CCDC178: variants seen among roughly 807,000 people sequenced by gnomAD.
The protein encoded by CCDC178 is coiled-coil domain-containing protein 178.
CCDC178 carries 126 observed loss-of-function variants against 117.4 expected under a neutral mutation model. The ratio of observed to expected loss-of-function variants is 1.07; its 90% CI spans 0.93 to 1.24. The LOEUF (loss-of-function observed/expected upper bound fraction) is 1.24. CCDC178 is among the 50% of genes most tolerant of loss of function. The pLI, the probability that CCDC178 is intolerant of heterozygous loss-of-function variation, is 0.00. For missense variants in CCDC178, 1,030 were observed against 986.9 expected (o/e 1.04, Z -0.59); for synonymous variants, 283 against 313.4 (o/e 0.90, Z 1.02).
intron 12 of CCDC178, among the ~76,000 whole-genome samples, chr18:33,276,745 T>TA (rs1359011514): frequency 6.6e-6 from 1 of 152,068 alleles, no homozygotes; most frequent in African/African-American, 2.4e-5. Flanking sequence ...GGGGTGTGTT[T>TA]AAGAAAGGAT....
Position 32,937,990 on chromosome 18 carries a change from C to T in CCDC178, c.*21G>A. 6.4e-7 allele frequency: 1 copy of T among 1,570,468 alleles called. No homozygotes were observed. The highest frequency in any genetic ancestry group is 1.1e-5 in the South Asian group (1 of 90,176). ...TTTTCTTGTCTTTTATTTCAGCATC[C>T]AAGATACATTGGTTGTTTGCTTAAC... On this transcript the variant is annotated 3_prime_UTR_variant, in exon 23 of 23. Coordinates refer to ENST00000383096, the MANE Select transcript of CCDC178 (RefSeq NM_001105528.4).
At chr18:33,104,787 A>T (rs1264081516) in intron 20 of CCDC178, among the ~76,000 whole-genome samples, 1 of 151,720 alleles carries the variant, frequency 6.6e-6, no homozygotes. Context: ...TAATTTGGGT[A>T]GTTATGGTAA....
intron 22 of CCDC178, among the ~76,000 whole-genome samples, chr18:32,952,670 G>A (rs1203890519): frequency 6.6e-6 from 1 of 152,080 alleles, no homozygotes; most frequent in East Asian, 1.9e-4. Context: ...ATTAACATTT[G>A]GCTCTTCATT....
intron 20 of CCDC178, among the ~76,000 whole-genome samples, chr18:33,190,943 C>T (rs2058850535): frequency 6.6e-6 from 1 of 152,132 alleles, no homozygotes; most frequent in South Asian, 2.1e-4. Context: ...ATACACTTTG[C>T]CCCTCCATCA....
intron 21 of CCDC178, among the ~76,000 whole-genome samples, chr18:33,011,767 CAAAAAAAAAAAAAAAAAAAAA>C (rs71177899): frequency 2.3e-3 from 68 of 30,010 alleles, no homozygotes; most frequent in South Asian, 0.018. Context: ...GAGCAGAATG[CAAAAAAAAAAAAAAAAAAAAA>C]AAAAAAAAAA....
chr18:33,086,240 T>C (rs1378782621), intron 21 of CCDC178, among the ~76,000 whole-genome samples: 4 of 151,928 alleles, frequency 2.6e-5, no homozygotes, highest in Non-Finnish European at 5.9e-5. Context: ...CATATTTATT[T>C]GAAAATATTC....
intron 22 of CCDC178, among the ~76,000 whole-genome samples, chr18:32,939,672 A>G (rs1328238540): frequency 2.6e-5 from 4 of 152,134 alleles, no homozygotes; most frequent in Non-Finnish European, 4.4e-5. Context: ...AAAAGACAAC[A>G]CACAGGAAAA....
At chr18:33,382,802 G>C (rs903204256) in intron 5 of CCDC178, among the ~76,000 whole-genome samples, 1 of 152,184 alleles carries the variant, frequency 6.6e-6, no homozygotes, top group Admixed American at 6.5e-5. Context: ...CCAGCACCTG[G>C]AACTCCAGTG....
rs902169376 is a variant in CCDC178 at position 33,244,504 on chromosome 18, G to A, written c.1593+741C>T. Among the ~76,000 whole-genome samples, 66 of 151,980 alleles carry A rather than the reference G, an allele frequency of 4.3e-4. 1 individual carries two copies. Among genetic ancestry groups the A allele is most frequent in the Middle Eastern group, 3.4e-3 (1 of 294 alleles). ...ATGCTATTCTCATGATAGTGAGTAA[G>A]TTCTCATGTGATTTGATGGTTTTAT... is the stretch of plus-strand genomic sequence containing the variant. On this transcript the variant is annotated intron_variant, in intron 15 of 22. Transcript: ENST00000383096.
chr18:33,147,733 G>A (rs1295122191), intron 20 of CCDC178, among the ~76,000 whole-genome samples: 1 of 152,146 alleles, frequency 6.6e-6, no homozygotes, highest in Non-Finnish European at 1.5e-5. Context: ...ATTTTTCTTA[G>A]TACAGAACAA....
At chr18:33,176,114 C>T (rs1011645144) in intron 20 of CCDC178, among the ~76,000 whole-genome samples, 3 of 152,118 alleles carry the variant, frequency 2.0e-5, no homozygotes, top group African/African-American at 7.2e-5. Context: ...AAAGATCATG[C>T]CATCCAGGTA....
At chr18:33,207,519 CCAGTGGGAAT>C (rs891804978) in intron 20 of CCDC178, among the ~76,000 whole-genome samples, 1 of 149,364 alleles carries the variant, frequency 6.7e-6, no homozygotes, top group Non-Finnish European at 1.5e-5. Flanking sequence ...CATTCATTTT[CCAGTGGGAAT>C]GGAAAATGAA....
chr18:33,082,997 A>G (rs924725179), intron 21 of CCDC178, among the ~76,000 whole-genome samples: 19 of 152,148 alleles, frequency 1.2e-4, no homozygotes, highest in Admixed American at 1.2e-3. Context: ...CTCTTCATAC[A>G]TACTAAACAA....
chr18:32,964,816 A>C (rs1473229463), intron 22 of CCDC178, among the ~76,000 whole-genome samples: 2 of 152,006 alleles, frequency 1.3e-5, no homozygotes, highest in Admixed American at 6.6e-5. Flanking sequence ...TTTTTAAAAA[A>C]GTTTACCCTT....
intron 20 of CCDC178, among the ~76,000 whole-genome samples, chr18:33,186,467 C>A (rs987323492): frequency 2.0e-5 from 3 of 151,896 alleles, no homozygotes; most frequent in African/African-American, 7.3e-5. Flanking sequence ...GTGTAGTGAC[C>A]AAAACATAGT....
chr18:33,086,773 C>T (rs551784838), intron 21 of CCDC178, among the ~76,000 whole-genome samples: 196 of 151,944 alleles, frequency 1.3e-3, no homozygotes, highest in Non-Finnish European at 2.3e-3. Flanking sequence ...GGTTTATTAA[C>T]CTCAGCTCTA....
At chr18:33,131,935 C>A (rs1335190121) in intron 20 of CCDC178, among the ~76,000 whole-genome samples, 4 of 151,432 alleles carry the variant, frequency 2.6e-5, no homozygotes, top group African/African-American at 9.7e-5. Context: ...TTCACCTTTT[C>A]TTTTTTGTTA....
At chr18:33,176,326 A>T (rs906431984) in intron 20 of CCDC178, among the ~76,000 whole-genome samples, 2 of 152,110 alleles carry the variant, frequency 1.3e-5, no homozygotes, top group African/African-American at 4.8e-5. Context: ...TCATTGACAC[A>T]CCCATTTGTG....
chr18:32,995,584 T>C (rs2055486075), intron 21 of CCDC178, among the ~76,000 whole-genome samples: 1 of 152,150 alleles, frequency 6.6e-6, no homozygotes, highest in Non-Finnish European at 1.5e-5. Flanking sequence ...CCTCTATTTC[T>C]AACATAAAAA....
Sources: allele counts gnomAD v4.1 joint callset (sites outside exome capture counted in the v4.1 genomes callset), GRCh38; gene constraint gnomAD v4.1.1; transcripts MANE v1.5; gene names NCBI Gene and HGNC (gene_info 2026-07-23, HGNC 2026-07-21).